The following ZBTB20 variants were observed in gnomAD, a reference collection of about 807,000 sequenced individuals.
The protein encoded by ZBTB20 is zinc finger and BTB domain containing 20.
A neutral mutation model predicts 56.9 loss-of-function variants in ZBTB20; 9 were observed. The ratio of observed to expected loss-of-function variants is 0.16; its 90% CI spans 0.10 to 0.28. The LOEUF is 0.28. ZBTB20 is among the 10% of genes least tolerant of loss of function. ZBTB20 has a pLI of 1.00. For missense variants in ZBTB20, 655 were observed against 1,003.0 expected, an observed-to-expected ratio of 0.65 and a Z score of 4.69; for synonymous variants, 417 against 420.7, an observed-to-expected ratio of 0.99 and a Z score of 0.11.
chr3:114,339,313 T>C lies in ZBTB20; in HGVS notation c.1918A>G (p.Asn640Asp). ...GVRAYQCSIC[N>D]KRFTQKSSLN... ...GAGCTCTTCTGGGTGAAGCGCTTGT[T>C]GCAGATACTACACTGGTATGCCCTC... The change falls in exon 12 of 12, where the codon AAC (asparagine) becomes GAC (aspartate). Residue 640 changes from asparagine to aspartate, a missense_variant. Transcript: ENST00000675478. The surrounding 1 kb of genome is among the most constrained non-coding windows in gnomAD (Gnocchi z 4.2). The C allele has an allele frequency of 1.2e-6, 2 of 1,614,194 alleles. No individual in the cohort carries two copies. Among genetic ancestry groups the C allele is most frequent in the South Asian group, 1.1e-5 (1 of 91,092 alleles).
At chr3:115,018,831 T>C (rs973794207) in intron 2 of ZBTB20, among the ~76,000 whole-genome samples, 13 of 151,544 alleles carry the variant, frequency 8.6e-5, no homozygotes, top group African/African-American at 2.4e-4. Flanking sequence ...TGAACCCTAA[T>C]ACATAATGTT....
intron 7 of ZBTB20, among the ~76,000 whole-genome samples, chr3:114,411,117 G>A (rs1229895112): frequency 6.6e-6 from 1 of 152,194 alleles, no homozygotes; most frequent in Non-Finnish European, 1.5e-5. Context: ...GAATGCTGAA[G>A]TGCTGCCTAG....
rs562660788 is a variant in ZBTB20 at position 114,317,857 on chromosome 3, A to C, written c.*21148T>G. The C allele has an allele frequency of 6.6e-6, 1 of 152,342 alleles. No homozygotes were observed. The highest frequency in any genetic ancestry group is 1.9e-4 in the East Asian group (1 of 5,182). The allele number at this position is 152,342 out of a possible 1,614,324, so 9.4% of individuals were successfully genotyped here. On this transcript the variant is annotated 3_prime_UTR_variant, in exon 12 of 12. Coordinates refer to ENST00000675478, the MANE Select transcript of ZBTB20 (RefSeq NM_001348800.3). ...GAGTCCAAGGGGCCATTGGGGCAGT[A>C]GTCCAAGGGAAGCTGGAAAAGGGGA...
At chr3:115,105,431 C>A (rs1450404157) in intron 1 of ZBTB20, among the ~76,000 whole-genome samples, 1 of 152,102 alleles carries the variant, frequency 6.6e-6, no homozygotes, top group Non-Finnish European at 1.5e-5. Flanking sequence ...GTGTTTAATC[C>A]CTACACTATA....
intron 1 of ZBTB20, among the ~76,000 whole-genome samples, chr3:115,130,933 G>T (rs1225644729): frequency 1.3e-5 from 2 of 151,880 alleles, no homozygotes; most frequent in Non-Finnish European, 2.9e-5. Flanking sequence ...AGATAATTTT[G>T]AATTTTTAGT....
At chr3:114,459,785 T>A (rs2092240588) in intron 7 of ZBTB20, among the ~76,000 whole-genome samples, 1 of 152,138 alleles carries the variant, frequency 6.6e-6, no homozygotes. Context: ...TTGTTTTGGT[T>A]ATTTTCATAG....
Position 114,350,799 on chromosome 3 carries a change from C to T in ZBTB20, c.1279G>A (p.Glu427Lys), listed in dbSNP as rs777387926. Residue 427 changes from glutamate to lysine, a missense_variant, in exon 11 of 12, where the codon GAA becomes AAA. Around this residue, in one of 10 missense-constraint regions of ZBTB20, gnomAD observed 156 missense variants for 181.0 expected, o/e 0.86. Coordinates refer to ENST00000675478, the MANE Select transcript of ZBTB20 (RefSeq NM_001348800.3). The part of the protein sequence containing the change: ...AEGGPQTNQL[E>K]TGASSPERSN... ...CTCTCCGGAGAGGAAGCACCTGTTTCTAGCTGGTTTGTCTGCGGACCACCC... is the reference window on the plus strand; with the variant it reads ...CTCTCCGGAGAGGAAGCACCTGTTTTTAGCTGGTTTGTCTGCGGACCACCC... 4.3e-6 allele frequency: 7 copies of T among 1,614,038 alleles called. No individual in the cohort carries two copies. Among genetic ancestry groups the T allele is most frequent in the Non-Finnish European group, 5.9e-6 (7 of 1,180,024 alleles).
intron 6 of ZBTB20, among the ~76,000 whole-genome samples, chr3:114,602,902 T>A (rs774321538): frequency 1.6e-4 from 24 of 152,008 alleles, no homozygotes; most frequent in Non-Finnish European, 3.5e-4. Flanking sequence ...AACAATCTCA[T>A]TCTCTCTATT....
chr3:114,749,608 GAAGGAAGGAAGGAATA>G (rs1303922360), intron 5 of ZBTB20, among the ~76,000 whole-genome samples: 1 of 149,682 alleles, frequency 6.7e-6, no homozygotes, highest in African/African-American at 2.5e-5. Flanking sequence ...AGGAAGGAAG[GAAGGAAGGAAGGAATA>G]AATTGGCTAT....
intron 1 of ZBTB20, among the ~76,000 whole-genome samples, chr3:115,128,980 TC>T (rs1331319870): frequency 1.3e-5 from 2 of 151,942 alleles, no homozygotes; most frequent in Non-Finnish European, 2.9e-5. Flanking sequence ...GCGCCTGTAG[TC>T]CCAGCTATTT....
intron 1 of ZBTB20, among the ~76,000 whole-genome samples, chr3:115,113,040 T>C (rs1300496145): frequency 2.0e-5 from 3 of 152,218 alleles, no homozygotes; most frequent in South Asian, 2.1e-4. Context: ...ATTTCTCTGA[T>C]GATTAGTGAT....
chr3:114,584,223 CTT>C (rs1030899589), intron 6 of ZBTB20, among the ~76,000 whole-genome samples: 1 of 151,892 alleles, frequency 6.6e-6, no homozygotes, highest in Non-Finnish European at 1.5e-5. Context: ...GGAAGAAAGA[CTT>C]TTTTTTGTTT....
At chr3:114,468,163 CA>C (rs2092624762) in intron 7 of ZBTB20, among the ~76,000 whole-genome samples, 1 of 152,134 alleles carries the variant, frequency 6.6e-6, no homozygotes, top group African/African-American at 2.4e-5. Flanking sequence ...CTTGCTTTGC[CA>C]AAGTGGCAGT....
intron 5 of ZBTB20, among the ~76,000 whole-genome samples, chr3:114,709,182 T>C (rs2063896435): frequency 1.3e-5 from 2 of 152,182 alleles, no homozygotes; most frequent in Admixed American, 1.3e-4. Context: ...TCCTATATTT[T>C]GCTTTCAATT....
chr3:114,772,007 CAG>C (rs2069244095), intron 5 of ZBTB20, among the ~76,000 whole-genome samples: 1 of 152,106 alleles, frequency 6.6e-6, no homozygotes, highest in African/African-American at 2.4e-5. Flanking sequence ...TCTTAGATAC[CAG>C]TGAAAGACTT....
At chr3:114,415,304 T>G (rs1053257615) in intron 7 of ZBTB20, among the ~76,000 whole-genome samples, 4 of 152,130 alleles carry the variant, frequency 2.6e-5, no homozygotes, top group Non-Finnish European at 2.9e-5. Flanking sequence ...CAGAAATGAC[T>G]GTCTAGATTC....
intron 11 of ZBTB20, among the ~76,000 whole-genome samples, chr3:114,342,022 G>A (rs1180034377): frequency 6.6e-6 from 1 of 152,196 alleles, no homozygotes; most frequent in Non-Finnish European, 1.5e-5. Context: ...CAAAGAACTT[G>A]GGAGCTCCTT....
At chr3:114,594,712 A>G (rs2107587978) in intron 6 of ZBTB20, among the ~76,000 whole-genome samples, 1 of 152,334 alleles carries the variant, frequency 6.6e-6, no homozygotes, top group Middle Eastern at 3.4e-3. Context: ...TCTAGCAGGT[A>G]AGTCTTATTG....
intron 2 of ZBTB20, among the ~76,000 whole-genome samples, chr3:114,996,370 C>A (rs976989830): frequency 4.6e-5 from 7 of 151,666 alleles, no homozygotes; most frequent in Admixed American, 1.3e-4. Context: ...CTCCCACCCC[C>A]CAAAAGGCCC....
Sources: allele counts gnomAD v4.1 joint callset (sites outside exome capture counted in the v4.1 genomes callset), GRCh38; gene constraint gnomAD v4.1.1; regional missense constraint gnomAD v4.1.1; non-coding constraint Gnocchi (gnomAD v3.1); transcripts MANE v1.5; gene names NCBI Gene and HGNC (gene_info 2026-07-23, HGNC 2026-07-21).